ATG10: variants seen among roughly 807,000 people sequenced by gnomAD.
ATG10 encodes the protein autophagy related 10, also known as ubiquitin-like-conjugating enzyme ATG10.
Under a neutral mutation model 32.1 loss-of-function variants are expected in ATG10, and 30 were observed. The ratio of observed to expected loss-of-function variants is 0.94; its 90% CI spans 0.70 to 1.27. The LOEUF is 1.27. ATG10 is among the 50% of genes most tolerant of loss of function. The pLI, the probability that ATG10 is intolerant of heterozygous loss-of-function variation, is 0.00. For synonymous variants in ATG10, 87 were observed against 91.5 expected, an observed-to-expected ratio of 0.95 and a Z score of 0.28; for missense variants, 233 against 262.3, an observed-to-expected ratio of 0.89 and a Z score of 0.77.
intron 1 of ATG10, among the ~76,000 whole-genome samples, chr5:81,981,494 C>T (rs1761047054): frequency 6.6e-6 from 1 of 152,140 alleles, no homozygotes; most frequent in South Asian, 2.1e-4. Flanking sequence ...AACTCTCCTA[C>T]CTGATAGTGC....
intron 5 of ATG10, among the ~76,000 whole-genome samples, chr5:82,220,210 G>A (rs1347700887): frequency 6.6e-6 from 1 of 152,176 alleles, no homozygotes; most frequent in Non-Finnish European, 1.5e-5. Flanking sequence ...AGCTAATGCT[G>A]GTGGCTGGGA....
chr5:82,238,084 C>T (rs1207050546), intron 5 of ATG10, among the ~76,000 whole-genome samples: 1 of 152,180 alleles, frequency 6.6e-6, no homozygotes, highest in Non-Finnish European at 1.5e-5. Context: ...CCTGGGCCAC[C>T]TCTGCATCGA....
intron 3 of ATG10, among the ~76,000 whole-genome samples, chr5:82,097,959 G>T (rs1310763821): frequency 6.6e-6 from 1 of 152,064 alleles, no homozygotes; most frequent in Non-Finnish European, 1.5e-5. Context: ...TTAAAAAAAG[G>T]ATAGACTGTA....
At chr5:82,009,583 A>G in intron 2 of ATG10, 1 of 1,567,290 alleles carries the variant, frequency 6.4e-7, no homozygotes, top group South Asian at 1.1e-5. Context: ...TTAAGATAAA[A>G]CACAAGTCAA....
At chr5:82,032,317 A>G (rs146205245) in intron 2 of ATG10, among the ~76,000 whole-genome samples, 2,064 of 151,916 alleles carry the variant, frequency 0.014, 19 homozygotes, top group Middle Eastern at 0.037. Flanking sequence ...TGTCTTTTCT[A>G]TTTTTATTGT....
intron 5 of ATG10, among the ~76,000 whole-genome samples, chr5:82,222,081 ACT>A (rs1745950494): frequency 6.6e-6 from 1 of 151,920 alleles, no homozygotes; most frequent in Non-Finnish European, 1.5e-5. Flanking sequence ...TTTGAAGAGT[ACT>A]CTCTCCCCAG....
chr5:82,120,025 C>T (rs111242220), intron 3 of ATG10, among the ~76,000 whole-genome samples: 29 of 151,712 alleles, frequency 1.9e-4, no homozygotes, highest in African/African-American at 5.8e-4. Context: ...TGTGTACGCA[C>T]GCACATACCC....
chr5:82,161,284 A>C (rs997340354), intron 3 of ATG10, among the ~76,000 whole-genome samples: 2 of 152,132 alleles, frequency 1.3e-5, no homozygotes, highest in African/African-American at 4.8e-5. Flanking sequence ...TCCTAATTAG[A>C]GGACAAATAC....
At chr5:82,025,201 G>A (rs1235436191) in intron 2 of ATG10, among the ~76,000 whole-genome samples, 2 of 152,120 alleles carry the variant, frequency 1.3e-5, no homozygotes, top group Non-Finnish European at 2.9e-5. Flanking sequence ...CTGATACCCG[G>A]ACAAGCAATC....
At chr5:82,082,153 G>A (rs551140376) in intron 3 of ATG10, among the ~76,000 whole-genome samples, 9 of 151,322 alleles carry the variant, frequency 5.9e-5, no homozygotes, top group African/African-American at 2.2e-4. Flanking sequence ...ATGAGATTTG[G>A]GGGGGGGGAC....
intron 2 of ATG10, among the ~76,000 whole-genome samples, chr5:82,001,031 G>A (rs1261905751): frequency 6.6e-5 from 10 of 152,070 alleles, no homozygotes; most frequent in Admixed American, 6.6e-4. Flanking sequence ...CCCATTCACA[G>A]GAGCCACAAA....
intron 5 of ATG10, among the ~76,000 whole-genome samples, chr5:82,196,097 G>A (rs888288851): frequency 6.6e-6 from 1 of 152,256 alleles, no homozygotes; most frequent in Middle Eastern, 3.4e-3. Flanking sequence ...TGGGTGTGAA[G>A]TATCCAATTG....
At chr5:82,062,144 G>A (rs1305914880) in intron 3 of ATG10, among the ~76,000 whole-genome samples, 3 of 151,910 alleles carry the variant, frequency 2.0e-5, no homozygotes, top group African/African-American at 7.3e-5. Context: ...TTCTAAAAGA[G>A]TTTATTTTCT....
rs1033409499 is a variant in ATG10, at chr5:82,060,590, C to T, written c.216+1988C>T. ...GTTAAAGGTTCATGTCGGCCGGGTG[C>T]GGTGGCTCAACGCCTGTAATACCAG... On this transcript the variant is annotated intron_variant, in intron 3 of 7. Transcript: ENST00000282185. 2.0e-5 allele frequency among the ~76,000 whole-genome samples: 3 copies of T among 152,196 alleles called. 1 individual carries two copies.
chr5:82,219,078 G>A (rs1208831108), intron 5 of ATG10, among the ~76,000 whole-genome samples: 2 of 152,172 alleles, frequency 1.3e-5, no homozygotes, highest in Non-Finnish European at 2.9e-5. Context: ...TTTTTACAGA[G>A]CAAAGCTTCT....
chr5:82,143,891 A>T (rs1767244616), intron 3 of ATG10, among the ~76,000 whole-genome samples: 1 of 152,194 alleles, frequency 6.6e-6, no homozygotes, highest in Admixed American at 6.5e-5. Flanking sequence ...TATTTTGGAA[A>T]GATTTTGTAT....
intron 3 of ATG10, among the ~76,000 whole-genome samples, chr5:82,122,011 G>A (rs1766063528): frequency 6.7e-6 from 1 of 148,210 alleles, no homozygotes; most frequent in African/African-American, 2.5e-5. Context: ...TGTAGAATGA[G>A]TTGGGAGAGG....
chr5:82,039,541 G>A (rs1458386499), intron 2 of ATG10, among the ~76,000 whole-genome samples: 1 of 152,034 alleles, frequency 6.6e-6, no homozygotes, highest in Admixed American at 6.6e-5. Flanking sequence ...TTAAAATGTA[G>A]CATACAATTA....
intron 3 of ATG10, among the ~76,000 whole-genome samples, chr5:82,163,225 G>C (rs1408196499): frequency 7.2e-5 from 11 of 152,192 alleles, no homozygotes; most frequent in Non-Finnish European, 1.5e-4. Flanking sequence ...TTCTGTATCT[G>C]GCATATTTAT....
Sources: allele counts gnomAD v4.1 joint callset (sites outside exome capture counted in the v4.1 genomes callset), GRCh38; gene constraint gnomAD v4.1.1; transcripts MANE v1.5; gene names NCBI Gene and HGNC (gene_info 2026-07-23, HGNC 2026-07-21).